Variants in MCMDC2 observed in about 807,000 individuals in gnomAD.
The protein encoded by MCMDC2 is minichromosome maintenance domain containing 2.
Under a neutral mutation model 75.8 loss-of-function variants are expected in MCMDC2, and 54 were observed. The ratio of observed to expected loss-of-function variants is 0.71; its 90% CI spans 0.57 to 0.89. The LOEUF (loss-of-function observed/expected upper bound fraction) is 0.89, where lower values mean the gene tolerates loss of function less well. MCMDC2 is among the 40% of genes least tolerant of loss of function. The probability of loss-of-function intolerance (pLI) is 0.00; values close to 1 mark genes in which losing one functional copy is unlikely to be tolerated. For synonymous variants in MCMDC2, 249 were observed against 274.6 expected (o/e 0.91, Z 0.92); for missense variants, 656 against 780.4 (o/e 0.84, Z 1.90).
rs1812367977 is a variant in MCMDC2, at chr8:66,896,678, T to G, written c.1447-102T>G. The stretch of plus-strand genomic sequence containing the variant: ...ATAATTAATATGATAAATAATAACT[T>G]TAATAATAACAACATATAATAATTA... On this transcript the variant is annotated intron_variant, in intron 11 of 14. Coordinates refer to ENST00000422365, the MANE Select transcript of MCMDC2 (RefSeq NM_173518.5). 4.8e-6 allele frequency: 4 copies of G among 828,676 alleles called. No homozygotes were observed. In the East Asian group the frequency reaches 1.0e-4, roughly 21 times the overall value. The allele number at this position is 828,676 out of a possible 1,614,324, so 51.3% of individuals were successfully genotyped here. A position where few individuals can be genotyped will look rare whatever the true frequency, so the allele number is the denominator to read the frequency against.
rs768942999 is a variant in MCMDC2, at chr8:66,901,547, A to AT, written c.1769+206dup. On this transcript the variant is annotated intron_variant, in intron 13 of 14. Transcript: ENST00000422365. ...TGTTACATCATTTTAATCTCTAATA[A>AT]TTTTTTTACTAAACTGATTTTTATT... 5.5e-6 allele frequency: 7 copies of AT among 1,262,994 alleles called. No individual in the cohort carries two copies. The African/African-American group carries it at 9.2e-5, about 17-fold the overall frequency. 78.2% of individuals were successfully genotyped at this position (1,262,994 alleles called of 1,614,324 possible). A position where few individuals can be genotyped will look rare whatever the true frequency, so the allele number is the denominator to read the frequency against.
At chr8:66,906,986 T>C (rs1270670372) in intron 14 of MCMDC2, among the ~76,000 whole-genome samples, 1 of 152,126 alleles carries the variant, frequency 6.6e-6, no homozygotes, top group East Asian at 1.9e-4. Context: ...CAGGCTGGTC[T>C]GGAATTCCCG....
At position 66,919,669 on chromosome 8, in the gene MCMDC2, A is replaced by G. The variant is rs1005167489; in HGVS notation, c.*500A>G. 2.6e-5 allele frequency: 4 copies of G among 152,324 alleles called. No homozygotes were observed. The highest frequency in any genetic ancestry group is 9.6e-5 in the African/African-American group (4 of 41,472). The allele number at this position is 152,324 out of a possible 1,614,324, so 9.4% of individuals were successfully genotyped here. On this transcript the variant is annotated 3_prime_UTR_variant, in exon 15 of 15. Coordinates refer to ENST00000422365, the MANE Select transcript of MCMDC2 (RefSeq NM_173518.5). ...GAAGCTTCAAATGTAAGGCCTTTTC[A>G]TACTTTATTACTGGCCTGTCCATTA... is the stretch of plus-strand genomic sequence containing the variant.
intron 9 of MCMDC2, among the ~76,000 whole-genome samples, chr8:66,888,997 G>A (rs543357942): frequency 6.6e-6 from 1 of 152,228 alleles, no homozygotes; most frequent in African/African-American, 2.4e-5. Flanking sequence ...GGCTTGCAAA[G>A]GTTTCTTTCT....
At chr8:66,900,098 G>C (rs1812579439) in intron 12 of MCMDC2, among the ~76,000 whole-genome samples, 1 of 151,752 alleles carries the variant, frequency 6.6e-6, no homozygotes, top group African/African-American at 2.4e-5. Context: ...TCGTGCCACG[G>C]CACTCCAGCC....
chr8:66,910,243 C>A (rs1226491642), intron 14 of MCMDC2, among the ~76,000 whole-genome samples: 1 of 152,214 alleles, frequency 6.6e-6, no homozygotes, highest in South Asian at 2.1e-4. Context: ...TTGGACCTCC[C>A]ACACACATAG....
intron 14 of MCMDC2, among the ~76,000 whole-genome samples, chr8:66,907,086 A>C (rs1422493668): frequency 6.6e-6 from 1 of 151,562 alleles, no homozygotes; most frequent in East Asian, 1.9e-4. Context: ...TTTTCTCTTT[A>C]AGTTCTGGGT....
chr8:66,912,778 C>T (rs2130866667), intron 14 of MCMDC2, among the ~76,000 whole-genome samples: 1 of 152,134 alleles, frequency 6.6e-6, no homozygotes, highest in Admixed American at 6.5e-5. Flanking sequence ...CACACCAGGG[C>T]CTGTTGGTGG....
intron 13 of MCMDC2, among the ~76,000 whole-genome samples, chr8:66,903,280 G>A (rs999650013): frequency 6.6e-6 from 1 of 152,112 alleles, no homozygotes; most frequent in African/African-American, 2.4e-5. Context: ...GCTCTATGAA[G>A]ATAAATATAC....
At chr8:66,899,076 ATCTG>A (rs1222186116) in intron 12 of MCMDC2, among the ~76,000 whole-genome samples, 9 of 152,388 alleles carry the variant, frequency 5.9e-5, no homozygotes, top group South Asian at 2.1e-4. Context: ...TGGAAGATAA[ATCTG>A]TCTATTACAC....
chr8:66,904,276 A>C (rs771448387), intron 13 of MCMDC2, among the ~76,000 whole-genome samples: 1 of 152,174 alleles, frequency 6.6e-6, no homozygotes, highest in Admixed American at 6.5e-5. Context: ...GTCTCATAGC[A>C]TAGTAAAGGA....
chr8:66,881,351 A>T (rs949563829), intron 8 of MCMDC2, among the ~76,000 whole-genome samples: 8 of 152,204 alleles, frequency 5.3e-5, no homozygotes, highest in Non-Finnish European at 1.0e-4. Flanking sequence ...TAGCCAAGGC[A>T]ATTCTGGGTT....
Position 66,911,269 on chromosome 8 carries a change from T to A in MCMDC2, c.1879+5934T>A, listed in dbSNP as rs542902465. On this transcript the variant is annotated intron_variant, in intron 14 of 14. Coordinates refer to ENST00000422365, the MANE Select transcript of MCMDC2 (RefSeq NM_173518.5). Reference sequence around the variant, plus strand: ...TGTTCTTGTGGTAGTGAGTGAGTTCTCATGAGATCCGATGGTTTTATAAGG... The same window carrying A: ...TGTTCTTGTGGTAGTGAGTGAGTTCACATGAGATCCGATGGTTTTATAAGG... Among the ~76,000 whole-genome samples, 26 of 152,198 alleles carry A rather than the reference T, an allele frequency of 1.7e-4. No individual in the cohort carries two copies. In the South Asian group the frequency reaches 5.2e-3, roughly 30 times the overall value.
Position 66,896,923 on chromosome 8 carries a change from G to C in MCMDC2, c.1590G>C (p.Ala530=). The C allele has an allele frequency of 6.2e-7, 1 of 1,611,222 alleles. No homozygotes were observed. The highest frequency in any genetic ancestry group is 2.2e-5 in the East Asian group (1 of 44,582). ...KAINPEGLFY[A]ASRQFTTEDF... is the part of the protein sequence containing the mutation. ...TTAATCCTGAAGGGCTGTTTTATGC[G>C]GCTTCTAGACAGTTCACAACTGAAG... The change falls in exon 12 of 15, where the codon GCG becomes GCC. Residue 530 remains alanine, a synonymous_variant. Transcript: ENST00000422365.
chr8:66,902,741 T>TATATATATATATATATATAC (rs1290006413), intron 13 of MCMDC2, among the ~76,000 whole-genome samples: 1 of 133,114 alleles, frequency 7.5e-6, no homozygotes, highest in African/African-American at 2.8e-5. Flanking sequence ...TATATATATA[T>TATATATATATATATATATAC]ACATATATCT....
intron 10 of MCMDC2, among the ~76,000 whole-genome samples, chr8:66,895,246 C>G (rs528243449): frequency 6.6e-4 from 101 of 152,176 alleles, no homozygotes; most frequent in Non-Finnish European, 1.2e-3. Flanking sequence ...TATTTTTCAT[C>G]AGTGGTTGGT....
chr8:66,924,801 T>C (rs1813670435), downstream of MCMDC2, among the ~76,000 whole-genome samples: 1 of 152,136 alleles, frequency 6.6e-6, no homozygotes, highest in Non-Finnish European at 1.5e-5. Flanking sequence ...CTTGCACGTG[T>C]TGTTCTCCAA....
Position 66,890,896 on chromosome 8 carries a change from C to T in MCMDC2, c.1105C>T (p.Arg369Cys), listed in dbSNP as rs772048792. 2.0e-5 allele frequency: 33 copies of T among 1,612,332 alleles called. No homozygotes were observed. The highest frequency in any genetic ancestry group is 1.2e-4 in the African/African-American group (9 of 74,788). ...GAATTTTAGCATAAACCTTGTCCCC[C>T]GTGGTATACGTCATCTAGTCTCTAC... ...LLNFSINLVP[R>C]GIRHLVSTEI... Residue 369 changes from arginine (R) to cysteine (C), a missense_variant, in exon 10 of 15, where the codon CGT (arginine) becomes TGT (cysteine). Arg to Cys is a radical substitution (Grantham distance 180). Coordinates refer to ENST00000422365, the MANE Select transcript of MCMDC2 (RefSeq NM_173518.5).
intron 14 of MCMDC2, among the ~76,000 whole-genome samples, chr8:66,913,925 C>T (rs1337741444): frequency 6.8e-6 from 1 of 146,202 alleles, no homozygotes; most frequent in African/African-American, 2.6e-5. Context: ...GATCGTACCA[C>T]TGCCCTCCAG....
Sources: gnomAD v4.1 joint callset for allele counts (sites outside exome capture counted in the v4.1 genomes callset) on GRCh38, gnomAD v4.1.1 for gene constraint, MANE v1.5 for transcripts, NCBI Gene and HGNC (gene_info 2026-07-23, HGNC 2026-07-21) for gene names.